The following IGLL5 variants were observed in gnomAD, a reference collection of about 807,000 sequenced individuals.
The protein encoded by IGLL5 is immunoglobulin lambda-like polypeptide 5.
Under a neutral mutation model 20.9 loss-of-function variants are expected in IGLL5, and 30 were observed. The ratio of observed to expected loss-of-function variants is 1.44; its 90% CI spans 1.07 to 1.95. The LOEUF is 1.95. IGLL5 is among the 30% of genes most tolerant of loss of function. The pLI, the probability that IGLL5 is intolerant of heterozygous loss-of-function variation, is 0.00. For missense variants in IGLL5, 475 were observed against 270.7 expected (o/e 1.75, Z -5.30); for synonymous variants, 203 against 117.3 (o/e 1.73, Z -4.72).
Position 22,893,801 on chromosome 22 carries a change from C to T in IGLL5, c.308C>T (p.Thr103Ile). The change falls in exon 2 of 3, where the codon ACC becomes ATC. Residue 103 changes from threonine (T) to isoleucine (I), a missense_variant. Physicochemically the swap from Thr to Ile is moderately conservative, Grantham distance 89. Transcript: ENST00000526893. ...QSLCYVFGTGTKVTVLGQPKA... is the reference protein window; with the variant it reads ...QSLCYVFGTGIKVTVLGQPKA... Reference sequence around the variant, plus strand: ...CTGTGTTATGTCTTCGGAACTGGGACCAAGGTCACCGTCCTAGGTAAGTGG... The same window carrying T: ...CTGTGTTATGTCTTCGGAACTGGGATCAAGGTCACCGTCCTAGGTAAGTGG... 1 of 1,610,754 alleles carries T rather than the reference C, an allele frequency of 6.2e-7. No homozygotes were observed. The highest frequency in any genetic ancestry group is 8.5e-7 in the Non-Finnish European group (1 of 1,177,724).
At chr22:22,894,273 C>G (rs759225828) in intron 2 of IGLL5, among the ~76,000 whole-genome samples, 8 of 150,762 alleles carry the variant, frequency 5.3e-5, no homozygotes, top group Middle Eastern at 3.9e-3. Context: ...GGATGCCAAT[C>G]CAGCCTGGGA....
At chr22:22,892,399 C>G (rs5996413) in intron 1 of IGLL5, among the ~76,000 whole-genome samples, 2 of 151,048 alleles carry the variant, frequency 1.3e-5, no homozygotes, top group African/African-American at 4.9e-5. Flanking sequence ...TTGGAAAAAC[C>G]TGAGGATGGT....
At chr22:22,894,831 A>C (rs2066700638) in intron 2 of IGLL5, among the ~76,000 whole-genome samples, 2 of 151,376 alleles carry the variant, frequency 1.3e-5, no homozygotes, top group African/African-American at 4.8e-5. Flanking sequence ...CCTTGCCAGG[A>C]GAGCCAAGTG....
At chr22:22,890,393 T>C (rs557565385) in intron 1 of IGLL5, among the ~76,000 whole-genome samples, 4 of 150,290 alleles carry the variant, frequency 2.7e-5, no homozygotes, top group African/African-American at 9.8e-5. Context: ...ATATTCTGCA[T>C]ATTACCAACT....
In IGLL5 at chr22:22,888,743, T is replaced by G. The variant is rs555813997; in HGVS notation, c.206+484T>G. On this transcript the variant is annotated intron_variant, in intron 1 of 2. Coordinates refer to ENST00000526893, the MANE Select transcript of IGLL5 (RefSeq NM_001178126.2). ...CCCCCAAGGCTGTCTGTTCACCAAC[T>G]TGCACATAAATGCTTACTGGGGCCA... Among the ~76,000 whole-genome samples the G allele has an allele frequency of 3.3e-5, 5 of 151,322 alleles. 1 individual carries two copies. In the East Asian group the frequency reaches 6.1e-4, roughly 18 times the overall value.
At position 22,889,102 on chromosome 22, in the gene IGLL5, T is replaced by C. The variant is rs561721796; in HGVS notation, c.206+843T>C. On this transcript the variant is annotated intron_variant, in intron 1 of 2. Coordinates refer to ENST00000526893, the MANE Select transcript of IGLL5 (RefSeq NM_001178126.2). ...AGATTGATTATCAGAGTCAGATTTG[T>C]GTTTTTGGAAAAATCAGCACCGGAT... 2.0e-5 allele frequency among the ~76,000 whole-genome samples: 3 copies of C among 151,176 alleles called. 1 individual carries two copies. The highest frequency in any genetic ancestry group is 2.1e-4 in the South Asian group (1 of 4,728).
intron 1 of IGLL5, among the ~76,000 whole-genome samples, chr22:22,889,303 T>A (rs2067705776): frequency 1.3e-5 from 2 of 151,046 alleles, no homozygotes; most frequent in Admixed American, 6.6e-5. Flanking sequence ...AAGTGAGGGC[T>A]GAGCAGAGGG....
chr22:22,887,969 C>G lies in IGLL5; in HGVS notation c.-85C>G, dbSNP rs2067555621. 5.4e-6 allele frequency: 6 copies of G among 1,101,708 alleles called. No homozygotes were observed. Among genetic ancestry groups the G allele is most frequent in the Non-Finnish European group, 6.8e-6 (5 of 739,138 alleles). The allele number at this position is 1,101,708 out of a possible 1,614,324, so 68.2% of individuals were successfully genotyped here. ...TGGACTGGGGTGTACTGTAACAGCCCTGCTGGCGAGAGGGACCAGGGCACC... is the reference window on the plus strand; with the variant it reads ...TGGACTGGGGTGTACTGTAACAGCCGTGCTGGCGAGAGGGACCAGGGCACC... On this transcript the variant is annotated 5_prime_UTR_variant, in exon 1 of 3. Coordinates refer to ENST00000526893, the MANE Select transcript of IGLL5 (RefSeq NM_001178126.2).
chr22:22,889,090 G>T (rs2067684697), intron 1 of IGLL5, among the ~76,000 whole-genome samples: 1 of 151,222 alleles, frequency 6.6e-6, no homozygotes, highest in South Asian at 2.1e-4. Flanking sequence ...TTGATTATCA[G>T]AGTCAGATTT....
intron 1 of IGLL5, among the ~76,000 whole-genome samples, chr22:22,890,250 GCCA>G (rs2067787002): frequency 6.7e-6 from 1 of 149,096 alleles, no homozygotes; most frequent in African/African-American, 2.5e-5. Context: ...CCCAGAGATA[GCCA>G]CTGTCAGGTT....
chr22:22,888,154 T>A lies in IGLL5; in HGVS notation c.101T>A (p.Val34Asp), dbSNP rs575444867. The stretch of plus-strand genomic sequence containing the variant: ...CTGCTGCTGCTGGGTCTGGCCATGG[T>A]CGCCCATGGCCTGCTGCGCCCAATG... ...WPLLLLGLAM[V>D]AHGLLRPMVA... is the part of the protein sequence containing the mutation. Residue 34 changes from valine (V) to aspartate (D), a missense_variant, in exon 1 of 3, where the codon GTC (valine) becomes GAC (aspartate). By Grantham distance (152) the Val-to-Asp change is radical. Transcript: ENST00000526893. 1 of 1,549,124 alleles carries A rather than the reference T, an allele frequency of 6.5e-7. No individual in the cohort carries two copies. The highest frequency in any genetic ancestry group is 8.7e-7 in the Non-Finnish European group (1 of 1,146,584).
rs572409096 is a variant in IGLL5, at chr22:22,891,413, G to A, written c.207-2287G>A. On this transcript the variant is annotated intron_variant, in intron 1 of 2. Coordinates refer to ENST00000526893, the MANE Select transcript of IGLL5 (RefSeq NM_001178126.2). ...TCTTGGTTTATTGAGCTATTCCTGC[G>A]CCCACCCTGTTTTGATTATTTTAGC... is the stretch of plus-strand genomic sequence containing the variant. Among the ~76,000 whole-genome samples, 6 of 151,012 alleles carry A rather than the reference G, an allele frequency of 4.0e-5. No homozygotes were observed. In the East Asian group the frequency reaches 6.1e-4, roughly 15 times the overall value.
chr22:22,889,902 T>C (rs1484357508), intron 1 of IGLL5, among the ~76,000 whole-genome samples: 1 of 151,442 alleles, frequency 6.6e-6, no homozygotes, highest in Non-Finnish European at 1.5e-5. Context: ...GACCCAACTG[T>C]GTTTTTAAAG....
Position 22,895,643 on chromosome 22 carries a change from G to C in IGLL5, c.594G>C (p.Thr198=). The C allele has an allele frequency of 1.2e-6, 2 of 1,613,326 alleles. No individual in the cohort carries two copies. Among genetic ancestry groups the C allele is most frequent in the Non-Finnish European group, 1.7e-6 (2 of 1,179,778 alleles). The change falls in exon 3 of 3, where the codon ACG becomes ACC. Residue 198 remains threonine, a synonymous_variant. Coordinates refer to ENST00000526893, the MANE Select transcript of IGLL5 (RefSeq NM_001178126.2). Reference sequence around the variant, plus strand: ...ACAGAAGCTACAGCTGCCAGGTCACGCATGAAGGGAGCACCGTGGAGAAGA... The same window carrying C: ...ACAGAAGCTACAGCTGCCAGGTCACCCATGAAGGGAGCACCGTGGAGAAGA... ...KSHRSYSCQV[T]HEGSTVEKTV... is the part of the protein sequence containing the mutation.
chr22:22,889,102 T>A (rs561721796), intron 1 of IGLL5, among the ~76,000 whole-genome samples: 1 of 151,060 alleles, frequency 6.6e-6, no homozygotes, highest in Non-Finnish European at 1.5e-5. Flanking sequence ...GTCAGATTTG[T>A]GTTTTTGGAA....
chr22:22,890,638 G>C (rs2146009659), intron 1 of IGLL5, among the ~76,000 whole-genome samples: 1 of 147,180 alleles, frequency 6.8e-6, no homozygotes, highest in African/African-American at 2.5e-5. Flanking sequence ...CCCCAGGATA[G>C]ATGCCTAAAA....
intron 2 of IGLL5, 107 bp downstream of exon 2, chr22:22,893,925 A>ATT (rs2067949595): frequency 1.2e-6 from 1 of 813,374 alleles, no homozygotes; most frequent in Admixed American, 1.8e-5. Context: ...AGCCTTAAGC[A>ATT]CTGACCCTTA....
intron 2 of IGLL5, among the ~76,000 whole-genome samples, chr22:22,894,156 A>G (rs1601624056): frequency 4.0e-5 from 6 of 151,160 alleles, no homozygotes; most frequent in East Asian, 4.1e-4. Flanking sequence ...TTGCCCAGTG[A>G]CTCCTGGGGT....
rs367608328 is a variant in IGLL5 at position 22,893,855 on chromosome 22, C to G, written c.325+37C>G. ...TCAACCTTTCCCAGCCTGTCTCACC[C>G]TCTGCTGTCCCTGGAAAATCTGTTT... On this transcript the variant is annotated intron_variant, in intron 2 of 2. Coordinates refer to ENST00000526893, the MANE Select transcript of IGLL5 (RefSeq NM_001178126.2). 5 of 1,355,140 alleles carry G rather than the reference C, an allele frequency of 3.7e-6. 1 individual carries two copies. The African/African-American group carries it at 5.7e-5, about 16-fold the overall frequency. 83.9% of individuals were successfully genotyped at this position (1,355,140 alleles called of 1,614,324 possible). A position where few individuals can be genotyped will look rare whatever the true frequency, so the allele number is the denominator to read the frequency against.
Sources: gnomAD v4.1 joint callset for allele counts (sites outside exome capture counted in the v4.1 genomes callset) on GRCh38, gnomAD v4.1.1 for gene constraint, MANE v1.5 for transcripts, NCBI Gene and HGNC (gene_info 2026-07-23, HGNC 2026-07-21) for gene names.